Variants in KIF16B observed in about 807,000 individuals in gnomAD.
The protein encoded by KIF16B is kinesin-like protein KIF16B.
A neutral mutation model predicts 156.3 loss-of-function variants in KIF16B; 98 were observed. That is an observed-to-expected ratio of 0.63 (90% CI 0.53 to 0.74). The LOEUF (loss-of-function observed/expected upper bound fraction) is 0.74. Among genes scored for constraint, KIF16B ranks in the 30% least tolerant of loss-of-function variants. The pLI, the probability that KIF16B is intolerant of heterozygous loss-of-function variation, is 0.00. For missense variants in KIF16B, 1,421 were observed against 1,606.5 expected (o/e 0.88, Z 1.97); for synonymous variants, 564 against 583.7 (o/e 0.97, Z 0.49).
At chr20:16,391,099 G>T (rs556500395) in intron 17 of KIF16B, among the ~76,000 whole-genome samples, 2 of 152,092 alleles carry the variant, frequency 1.3e-5, no homozygotes, top group African/African-American at 4.8e-5. Context: ...GTGTGGGTGG[G>T]GGAAGATCCA....
At chr20:16,386,360 A>G (rs1428944888) in intron 17 of KIF16B, among the ~76,000 whole-genome samples, 2 of 152,030 alleles carry the variant, frequency 1.3e-5, no homozygotes, top group Non-Finnish European at 2.9e-5. Flanking sequence ...TAACCCAGGA[A>G]TGCCAAGTAA....
chr20:16,497,309 C>T (rs969587767), intron 11 of KIF16B, among the ~76,000 whole-genome samples: 5 of 152,214 alleles, frequency 3.3e-5, no homozygotes, highest in African/African-American at 1.2e-4. Flanking sequence ...AACACAGACT[C>T]CCTCAAACAG....
chr20:16,489,362 A>T (rs2068218037), intron 12 of KIF16B, among the ~76,000 whole-genome samples: 1 of 152,132 alleles, frequency 6.6e-6, no homozygotes, highest in Non-Finnish European at 1.5e-5. Context: ...GCAGAACAGG[A>T]GAAGGAGAAG....
chr20:16,526,299 C>T (rs968129327), intron 2 of KIF16B, 94 bp from the exon 3 acceptor site: 1 of 551,068 alleles, frequency 1.8e-6, no homozygotes. Context: ...AAAACCATTT[C>T]ATTCCTGCTG....
rs762903320 is a variant in KIF16B at position 16,428,912 on chromosome 20, TAAAAAATCATTGGGAACAGATCACTGATA to T, written c.1474+12_1474+40del. On this transcript the variant is annotated intron_variant, in intron 14 of 25. Coordinates refer to ENST00000354981, the MANE Select transcript of KIF16B (RefSeq NM_024704.5). The stretch of plus-strand genomic sequence containing the variant: ...AAAAGTTCTTCCTTGAATACAACCT[TAAAAAATCATTGGGAACAGATCACTGATA>T]AATATGCTCACCAATATCTTGCTCC... 2 of 1,570,522 alleles carry T rather than the reference TAAAAAATCATTGGGAACAGATCACTGATA, an allele frequency of 1.3e-6. No homozygotes were observed. The highest frequency in any genetic ancestry group is 1.8e-6 in the Non-Finnish European group (2 of 1,141,688).
At chr20:16,492,194 G>A (rs535192773) in intron 12 of KIF16B, among the ~76,000 whole-genome samples, 1 of 152,280 alleles carries the variant, frequency 6.6e-6, no homozygotes, top group South Asian at 2.1e-4. Context: ...AACGCTAACA[G>A]CAGAAATACG....
At chr20:16,300,220 A>T (rs2063452182) in intron 25 of KIF16B, among the ~76,000 whole-genome samples, 1 of 152,168 alleles carries the variant, frequency 6.6e-6, no homozygotes, top group African/African-American at 2.4e-5. Flanking sequence ...GTTGAACTTG[A>T]GTTTGGGAAG....
At chr20:16,483,114 G>T (rs1009155577) in intron 12 of KIF16B, among the ~76,000 whole-genome samples, 1 of 152,144 alleles carries the variant, frequency 6.6e-6, no homozygotes, top group Non-Finnish European at 1.5e-5. Context: ...CTTGAATTTG[G>T]GTAATGCGTT....
chr20:16,545,508 T>C (rs1410977876), intron 1 of KIF16B, among the ~76,000 whole-genome samples: 1 of 151,704 alleles, frequency 6.6e-6, no homozygotes, highest in East Asian at 1.9e-4. Context: ...CTACTGAAAA[T>C]ACAAAAATTA....
chr20:16,522,373 G>A (rs1568638626), intron 3 of KIF16B, among the ~76,000 whole-genome samples: 1 of 152,150 alleles, frequency 6.6e-6, no homozygotes, highest in Non-Finnish European at 1.5e-5. Context: ...TGCAATCCTA[G>A]TCTCTGATAA....
At chr20:16,504,127 T>G (rs185005812) in intron 10 of KIF16B, among the ~76,000 whole-genome samples, 1 of 152,254 alleles carries the variant, frequency 6.6e-6, no homozygotes, top group Non-Finnish European at 1.5e-5. Flanking sequence ...CATTCATAAT[T>G]GATAACTATT....
At chr20:16,404,508 C>A (rs1187924915) in intron 17 of KIF16B, among the ~76,000 whole-genome samples, 2 of 152,138 alleles carry the variant, frequency 1.3e-5, no homozygotes, top group Non-Finnish European at 1.5e-5. Flanking sequence ...AATCAAAGTG[C>A]CAACTCTAAA....
At chr20:16,418,259 A>ATAAT (rs2066140275) in intron 15 of KIF16B, among the ~76,000 whole-genome samples, 1 of 152,180 alleles carries the variant, frequency 6.6e-6, no homozygotes, top group Non-Finnish European at 1.5e-5. Context: ...TAACTCCAGT[A>ATAAT]TAATTAGCTT....
In KIF16B at chr20:16,412,089, C is replaced by T. The variant is rs148182697; in HGVS notation, c.1613-5633G>A. 9.8e-4 allele frequency among the ~76,000 whole-genome samples: 149 copies of T among 151,800 alleles called. No homozygotes were observed. The East Asian group carries it at 0.022, about 22-fold the overall frequency. Reference sequence around the variant, plus strand: ...CTGAAGGAATGCTGACTTCTAATGGCCAAGTAGAAGAAAATAAACTTACAG... The same window carrying T: ...CTGAAGGAATGCTGACTTCTAATGGTCAAGTAGAAGAAAATAAACTTACAG... On this transcript the variant is annotated intron_variant, in intron 15 of 25. Transcript: ENST00000354981.
intron 12 of KIF16B, among the ~76,000 whole-genome samples, chr20:16,462,556 T>C (rs2067376164): frequency 6.6e-6 from 1 of 152,164 alleles, no homozygotes; most frequent in Non-Finnish European, 1.5e-5. Context: ...AATCTGGGTG[T>C]TTCAGCCTGT....
At chr20:16,289,246 T>C (rs2063277095) in intron 25 of KIF16B, among the ~76,000 whole-genome samples, 1 of 152,192 alleles carries the variant, frequency 6.6e-6, no homozygotes, top group Non-Finnish European at 1.5e-5. Flanking sequence ...TGAATGTGTA[T>C]CGCTTTTACA....
At chr20:16,560,907 T>C (rs534479892) in intron 1 of KIF16B, among the ~76,000 whole-genome samples, 37 of 152,330 alleles carry the variant, frequency 2.4e-4, no homozygotes, top group African/African-American at 8.9e-4. Context: ...ACTTCTTCTC[T>C]GGATAATAAA....
In KIF16B at chr20:16,430,059, T is replaced by C. The variant is rs141306916; in HGVS notation, c.1303-77A>G. ...TTCAAATTAGGTGTTCTTCAGATTG[T>C]CAGAATGGGCAATATTTTATTTCTC... On this transcript the variant is annotated intron_variant, in intron 12 of 25. Transcript: ENST00000354981. 2.9e-6 allele frequency: 4 copies of C among 1,370,814 alleles called. No individual in the cohort carries two copies. The East Asian group carries it at 9.6e-5, about 33-fold the overall frequency. 84.9% of individuals were successfully genotyped at this position (1,370,814 alleles called of 1,614,324 possible).
chr20:16,301,247 AT>A (rs1443148816), intron 25 of KIF16B, among the ~76,000 whole-genome samples: 3 of 152,346 alleles, frequency 2.0e-5, no homozygotes, highest in African/African-American at 7.2e-5. Context: ...ACCAAAGGAT[AT>A]CTAAGTTATA....
Sources: gnomAD v4.1 joint callset for allele counts (sites outside exome capture counted in the v4.1 genomes callset) on GRCh38, gnomAD v4.1.1 for gene constraint, MANE v1.5 for transcripts, NCBI Gene and HGNC (gene_info 2026-07-23, HGNC 2026-07-21) for gene names.